CSMD1: variants seen among roughly 807,000 people sequenced by gnomAD.
The protein encoded by CSMD1 is CUB and sushi domain-containing protein 1.
In CSMD1, 213 loss-of-function variants were observed where a neutral mutation model predicts 417.5. The ratio of observed to expected loss-of-function variants is 0.51; its 90% confidence interval spans 0.46 to 0.57. The LOEUF (loss-of-function observed/expected upper bound fraction) is 0.57, where lower values mean the gene tolerates loss of function less well. CSMD1 is among the 20% of genes least tolerant of loss of function. The pLI is 0.00. For synonymous variants in CSMD1, 2,862 were observed against 1,736.8 expected (o/e 1.65, Z -16.11); for missense variants, 6,923 against 4,529.7 (o/e 1.53, Z -15.17).
chr8:4,823,252 T>C (rs867031061), intron 1 of CSMD1, among the ~76,000 whole-genome samples: 1 of 152,068 alleles, frequency 6.6e-6, no homozygotes, highest in East Asian at 1.9e-4. Flanking sequence ...CTTATGCTTG[T>C]GTTTTCCAAT....
chr8:4,097,857 T>G (rs898082498), intron 3 of CSMD1, among the ~76,000 whole-genome samples: 2 of 152,224 alleles, frequency 1.3e-5, no homozygotes, highest in Admixed American at 6.5e-5. Flanking sequence ...TCTATTACAC[T>G]ACTGTGTGAC....
chr8:3,352,073 T>C (rs55784545), intron 21 of CSMD1, among the ~76,000 whole-genome samples: 8 of 152,258 alleles, frequency 5.3e-5, no homozygotes, highest in Admixed American at 3.9e-4. Flanking sequence ...AGCCATTGTA[T>C]CCTGAGGGCC....
chr8:4,657,721 G>GAAA (rs566573120), intron 1 of CSMD1, among the ~76,000 whole-genome samples: 116 of 118,970 alleles, frequency 9.8e-4, no homozygotes, highest in African/African-American at 3.5e-3. Flanking sequence ...CAAAAGAAAT[G>GAAA]AAAAAAAAAA....
At chr8:3,603,263 C>T (rs1252894961) in intron 8 of CSMD1, among the ~76,000 whole-genome samples, 1 of 152,114 alleles carries the variant, frequency 6.6e-6, no homozygotes, top group Non-Finnish European at 1.5e-5. Flanking sequence ...ACCATGAATC[C>T]TCCTTCAAAA....
chr8:3,670,472 C>G (rs1192152520), intron 7 of CSMD1, among the ~76,000 whole-genome samples: 3 of 146,880 alleles, frequency 2.0e-5, no homozygotes, highest in Non-Finnish European at 3.0e-5. Flanking sequence ...TATATGTATC[C>G]CATATATATA....
At chr8:4,240,106 T>C (rs1461368207) in intron 3 of CSMD1, among the ~76,000 whole-genome samples, 2 of 152,222 alleles carry the variant, frequency 1.3e-5, no homozygotes, top group African/African-American at 4.8e-5. Flanking sequence ...CTAAACCAAA[T>C]GTTGATTGTT....
At chr8:4,667,421 G>T (rs959630582) in intron 1 of CSMD1, among the ~76,000 whole-genome samples, 1 of 150,618 alleles carries the variant, frequency 6.6e-6, no homozygotes, top group Non-Finnish European at 1.5e-5. Flanking sequence ...GGATTGCATT[G>T]AATCCAGAGA....
intron 12 of CSMD1, among the ~76,000 whole-genome samples, chr8:3,446,600 A>G (rs544507600): frequency 1.3e-5 from 2 of 152,220 alleles, no homozygotes; most frequent in Non-Finnish European, 1.5e-5. Context: ...GATTCTCCTA[A>G]CAAAGGTTTC....
intron 3 of CSMD1, among the ~76,000 whole-genome samples, chr8:4,270,275 T>G (rs901675756): frequency 1.7e-4 from 26 of 152,158 alleles, no homozygotes; most frequent in African/African-American, 6.0e-4. Flanking sequence ...TTTTAATTAA[T>G]TCACTACAGT....
intron 3 of CSMD1, among the ~76,000 whole-genome samples, chr8:4,131,225 C>T (rs888183054): frequency 6.6e-5 from 10 of 152,216 alleles, no homozygotes; most frequent in South Asian, 2.1e-4. Context: ...TATAAGTATA[C>T]GGCATGTGGT....
chr8:4,560,582 C>T (rs1313767886), intron 2 of CSMD1, among the ~76,000 whole-genome samples: 2 of 152,218 alleles, frequency 1.3e-5, no homozygotes, highest in African/African-American at 2.4e-5. Context: ...TGTGCTGGAG[C>T]GGTATGGCAG....
chr8:4,503,111 G>C (rs778952168), intron 2 of CSMD1, among the ~76,000 whole-genome samples: 30 of 152,122 alleles, frequency 2.0e-4, no homozygotes, highest in Admixed American at 3.9e-4. Context: ...TTGAATCTTA[G>C]AGAACTATGT....
chr8:3,011,624 AG>A (rs1808389388), intron 52 of CSMD1, among the ~76,000 whole-genome samples: 1 of 152,240 alleles, frequency 6.6e-6, no homozygotes, highest in African/African-American at 2.4e-5. Context: ...TTCTAACAAT[AG>A]CAAAACAATC....
intron 3 of CSMD1, among the ~76,000 whole-genome samples, chr8:4,157,260 T>C (rs912782224): frequency 1.3e-5 from 2 of 152,186 alleles, no homozygotes; most frequent in Non-Finnish European, 2.9e-5. Context: ...TTTGTCTACA[T>C]CCTGTCTGTG....
chr8:3,354,954 G>C lies in CSMD1; in HGVS notation c.3304+4198C>G, dbSNP rs371171496. 4.4e-5 allele frequency among the ~76,000 whole-genome samples: 3 copies of C among 68,042 alleles called. No individual in the cohort carries two copies. The South Asian group carries it at 1.1e-3, about 26-fold the overall frequency. The allele number at this position is 68,042 out of a possible 152,430, so 44.6% of individuals were successfully genotyped here. The stretch of plus-strand genomic sequence containing the variant: ...ATATAGATATATATAGAGAGACAGA[G>C]AAAGAGAGTTTAGTGTTAAACTAGA... On this transcript the variant is annotated intron_variant, in intron 21 of 69. Coordinates refer to ENST00000635120, the MANE Select transcript of CSMD1 (RefSeq NM_033225.6).
At chr8:4,248,669 C>A (rs1389744070) in intron 3 of CSMD1, among the ~76,000 whole-genome samples, 3 of 152,140 alleles carry the variant, frequency 2.0e-5, no homozygotes, top group African/African-American at 7.2e-5. Flanking sequence ...CACCATCAGC[C>A]TCCTGTCCTG....
intron 10 of CSMD1, among the ~76,000 whole-genome samples, chr8:3,518,227 GT>G (rs1797361961): frequency 1.3e-5 from 2 of 152,104 alleles, no homozygotes; most frequent in African/African-American, 2.4e-5. Context: ...TCTTTTTGTA[GT>G]TTTAATTTTC....
intron 5 of CSMD1, among the ~76,000 whole-genome samples, chr8:3,892,356 G>T (rs889815745): frequency 6.6e-6 from 1 of 151,994 alleles, no homozygotes; most frequent in African/African-American, 2.4e-5. Context: ...AGACGTGTGG[G>T]GAACGTATTA....
At chr8:3,778,633 G>A (rs1799019027) in intron 5 of CSMD1, among the ~76,000 whole-genome samples, 1 of 152,230 alleles carries the variant, frequency 6.6e-6, no homozygotes, top group Admixed American at 6.5e-5. Context: ...TCTCCTTCCT[G>A]CCTCCAACCT....
Sources: gnomAD v4.1 joint callset for allele counts (sites outside exome capture counted in the v4.1 genomes callset) on GRCh38, gnomAD v4.1.1 for gene constraint, MANE v1.5 for transcripts, NCBI Gene and HGNC (gene_info 2026-07-23, HGNC 2026-07-21) for gene names.